RP1: variants seen among roughly 807,000 people sequenced by gnomAD.
RP1 encodes the protein oxygen-regulated protein 1.
RP1 carries 16 observed loss-of-function variants against 14.8 expected under a neutral mutation model. The ratio of observed to expected loss-of-function variants is 1.08; its 90% confidence interval spans 0.73 to 1.65. RP1 has a LOEUF of 1.65. Among genes scored for constraint, RP1 ranks in the 40% most tolerant of loss-of-function variants. The pLI, the probability that RP1 is intolerant of heterozygous loss-of-function variation, is 0.00. For synonymous variants in RP1, 876 were observed against 883.6 expected, an observed-to-expected ratio of 0.99 and a Z score of 0.15; for missense variants, 2,631 against 2,535.0, an observed-to-expected ratio of 1.04 and a Z score of -0.81.
rs1440214069 is a variant in RP1, at chr8:54,630,742, A to T, written c.*389A>T. ...CTGTATTGGTGAATAAATTGAATAG[A>T]CATAACCTCAAAGTACTTCACTTAT... is the stretch of plus-strand genomic sequence containing the variant. On this transcript the variant is annotated 3_prime_UTR_variant, in exon 4 of 4. Transcript: ENST00000220676. 8 of 1,027,964 alleles carry T rather than the reference A, an allele frequency of 7.8e-6. No individual in the cohort carries two copies. The South Asian group carries it at 2.5e-4, about 33-fold the overall frequency. The allele number at this position is 1,027,964 out of a possible 1,614,324, so 63.7% of individuals were successfully genotyped here. A position where few individuals can be genotyped will look rare whatever the true frequency, so the allele number is the denominator to read the frequency against.
At chr8:54,747,027 G>A (rs1809241707) in intron 19 of RP1, among the ~76,000 whole-genome samples, 1 of 152,064 alleles carries the variant, frequency 6.6e-6, no homozygotes, top group Non-Finnish European at 1.5e-5. Flanking sequence ...CAATCCCTCA[G>A]GAATCTCCTG....
chr8:54,820,537 C>T (rs1811231247), intron 24 of RP1, among the ~76,000 whole-genome samples: 1 of 152,060 alleles, frequency 6.6e-6, no homozygotes, highest in South Asian at 2.1e-4. Context: ...AGAATTCTGT[C>T]CTGTGTTGTG....
intron 24 of RP1, among the ~76,000 whole-genome samples, chr8:54,785,995 G>A (rs183126095): frequency 2.3e-3 from 344 of 151,990 alleles, no homozygotes; most frequent in Non-Finnish European, 3.5e-3. Flanking sequence ...TTATCATATC[G>A]ATAACAAATA....
rs772712597 is a variant in RP1, at chr8:54,628,455, T to C, written c.4573T>C (p.Tyr1525His). 6.2e-7 allele frequency: 1 copy of C among 1,613,434 alleles called. No homozygotes were observed. The highest frequency in any genetic ancestry group is 1.1e-5 in the South Asian group (1 of 90,980). The change falls in exon 4 of 4, where the codon TAT (tyrosine) becomes CAT (histidine). Residue 1525 changes from tyrosine to histidine, a missense_variant. By Grantham distance (83) the Tyr-to-His change is moderately conservative. Coordinates refer to ENST00000220676, the MANE Select transcript of RP1 (RefSeq NM_006269.2). ...AGAAAAAAGAATGAACGGTATAATT[T>C]ATGAAATAATCAGTAAGAGGCTGGC... Reference protein sequence around the residue: ...MEEKRMNGIIYEIISKRLATP... With the variant: ...MEEKRMNGIIHEIISKRLATP...
intron 14 of RP1, among the ~76,000 whole-genome samples, chr8:54,705,937 A>G (rs1413282576): frequency 2.0e-5 from 3 of 149,478 alleles, no homozygotes; most frequent in African/African-American, 7.4e-5. Context: ...GTGTTAGTGT[A>G]TTTCTAATTA....
chr8:54,699,003 G>A (rs532432532), intron 12 of RP1, among the ~76,000 whole-genome samples: 66 of 152,046 alleles, frequency 4.3e-4, no homozygotes, highest in Non-Finnish European at 8.5e-4. Flanking sequence ...AAACCTGCAC[G>A]TTGTGCACAT....
intron 16 of RP1, chr8:54,720,343 C>T: frequency 6.6e-7 from 1 of 1,510,910 alleles, no homozygotes; most frequent in Non-Finnish European, 8.8e-7. Flanking sequence ...TTTTGGTTTG[C>T]TTTATGATGG....
intron 19 of RP1, among the ~76,000 whole-genome samples, chr8:54,746,196 A>G (rs150560645): frequency 2.2e-3 from 335 of 152,306 alleles, no homozygotes; most frequent in African/African-American, 7.7e-3. Context: ...CGTTGTTTCT[A>G]AACAAGTGTT....
chr8:54,660,727 T>C (rs1170228100), intron 6 of RP1, among the ~76,000 whole-genome samples: 1 of 152,154 alleles, frequency 6.6e-6, no homozygotes, highest in Admixed American at 6.5e-5. Flanking sequence ...TGTGGGCAAA[T>C]GCATTTTGCT....
intron 24 of RP1, among the ~76,000 whole-genome samples, chr8:54,828,268 G>A (rs1019424330): frequency 2.0e-5 from 3 of 152,114 alleles, no homozygotes; most frequent in African/African-American, 7.2e-5. Flanking sequence ...GATTTGTTTG[G>A]CCCCACCAAG....
intron 16 of RP1, among the ~76,000 whole-genome samples, chr8:54,726,082 G>A (rs997429317): frequency 4.6e-5 from 7 of 152,140 alleles, no homozygotes; most frequent in African/African-American, 1.7e-4. Context: ...TAAGTTGTTT[G>A]ATTCATATTG....
intron 19 of RP1, among the ~76,000 whole-genome samples, chr8:54,748,382 G>A (rs947894537): frequency 2.6e-5 from 4 of 152,172 alleles, no homozygotes; most frequent in Non-Finnish European, 4.4e-5. Context: ...CCAGGCAAAT[G>A]TTTAATCTCA....
At chr8:54,709,295 A>G (rs1216913054) in intron 15 of RP1, among the ~76,000 whole-genome samples, 1 of 152,190 alleles carries the variant, frequency 6.6e-6, no homozygotes, top group African/African-American at 2.4e-5. Context: ...GGGTGGGAGA[A>G]CACTCTGTGC....
intron 18 of RP1, among the ~76,000 whole-genome samples, chr8:54,735,974 T>A (rs1298528361): frequency 6.6e-6 from 1 of 152,166 alleles, no homozygotes; most frequent in Non-Finnish European, 1.5e-5. Flanking sequence ...CCAGGGAGCT[T>A]TAAAAACTAC....
chr8:54,734,734 A>T (rs769020512), exon 18 of RP1: 1 of 1,531,606 alleles, frequency 6.5e-7, no homozygotes, highest in South Asian at 1.2e-5. Context: ...GGACACGAGG[A>T]TGAGTTTCAG....
At chr8:54,793,242 C>T (rs1428438088) in intron 24 of RP1, among the ~76,000 whole-genome samples, 1 of 151,750 alleles carries the variant, frequency 6.6e-6, no homozygotes, top group African/African-American at 2.4e-5. Flanking sequence ...TGAGTTCTAC[C>T]AAACATTTAA....
intron 12 of RP1, among the ~76,000 whole-genome samples, chr8:54,694,465 G>T (rs1429599524): frequency 6.6e-6 from 1 of 152,072 alleles, no homozygotes; most frequent in African/African-American, 2.4e-5. Flanking sequence ...CTTTTTGGTT[G>T]GTAAGCTATT....
chr8:54,781,486 C>G (rs550592499), intron 23 of RP1, among the ~76,000 whole-genome samples: 1 of 152,074 alleles, frequency 6.6e-6, no homozygotes, highest in South Asian at 2.1e-4. Flanking sequence ...AAAAGTTTTG[C>G]AATAGAAAAT....
intron 24 of RP1, among the ~76,000 whole-genome samples, chr8:54,792,003 G>A (rs570634469): frequency 6.7e-4 from 102 of 152,144 alleles, no homozygotes; most frequent in African/African-American, 2.3e-3. Flanking sequence ...GCTGTAGTTA[G>A]GGATGGAAAA....
Sources: allele counts gnomAD v4.1 joint callset (sites outside exome capture counted in the v4.1 genomes callset), GRCh38; gene constraint gnomAD v4.1.1; transcripts MANE v1.5; gene names NCBI Gene and HGNC (gene_info 2026-07-23, HGNC 2026-07-21).